Variants in PLG observed in about 807,000 individuals in gnomAD.
PLG encodes plasminogen.
PLG carries 41 observed loss-of-function variants against 104.4 expected under a neutral mutation model. That is an observed-to-expected ratio of 0.39 (90% confidence interval 0.31 to 0.51). The LOEUF is 0.51. PLG is among the 20% of genes least tolerant of loss of function. The pLI is 0.76. For synonymous variants in PLG, 337 were observed against 357.1 expected (o/e 0.94, Z 0.63); for missense variants, 891 against 1,003.6 (o/e 0.89, Z 1.52).
chr6:160,748,693 CA>C (rs1181673997), intron 17 of PLG, among the ~76,000 whole-genome samples: 9 of 152,042 alleles, frequency 5.9e-5, no homozygotes, highest in African/African-American at 2.2e-4. Context: ...TTGGATTAAG[CA>C]AAAAAGAGAA....
At chr6:160,709,893 T>C (rs916575360) in intron 3 of PLG, among the ~76,000 whole-genome samples, 1 of 152,246 alleles carries the variant, frequency 6.6e-6, no homozygotes, top group Non-Finnish European at 1.5e-5. Flanking sequence ...CCTTAAATGA[T>C]GGTGTAAATA....
intron 3 of PLG, among the ~76,000 whole-genome samples, chr6:160,709,614 C>A (rs1248679000): frequency 6.6e-6 from 1 of 152,192 alleles, no homozygotes; most frequent in Non-Finnish European, 1.5e-5. Flanking sequence ...TCCTGCTGTG[C>A]CAGCTCCTTC....
chr6:160,735,620 A>T lies in PLG; in HGVS notation c.1682-1267A>T, dbSNP rs1778074428. Among the ~76,000 whole-genome samples, 1 of 152,244 alleles carries T rather than the reference A, an allele frequency of 6.6e-6. No individual in the cohort carries two copies. The highest frequency in any genetic ancestry group is 6.5e-5 in the Admixed American group (1 of 15,282). ...TGTTTCATGCAGAAGGATATGGTTT[A>T]TTCAGGTTTGACTCGTGCTTGAGAA... is the stretch of plus-strand genomic sequence containing the variant. On this transcript the variant is annotated intron_variant, in intron 13 of 18. Coordinates refer to ENST00000308192, the MANE Select transcript of PLG (RefSeq NM_000301.5). The surrounding 1 kb of genome is among the most constrained non-coding windows in gnomAD (Gnocchi z 5.4).
chr6:160,717,704 T>G (rs1777762510), intron 7 of PLG, among the ~76,000 whole-genome samples: 1 of 152,150 alleles, frequency 6.6e-6, no homozygotes, highest in African/African-American at 2.4e-5. Context: ...GTGACACGTG[T>G]TGATACTTAC....
chr6:160,706,567 C>T (rs376903431), intron 2 of PLG, 25 bp downstream of exon 2: 276 of 1,606,482 alleles, frequency 1.7e-4, no homozygotes, highest in South Asian at 3.5e-4. Flanking sequence ...GTTGCACCTA[C>T]GCAGGAATCT....
Position 160,732,644 on chromosome 6 carries a change from C to G in PLG, c.1587+751C>G, listed in dbSNP as rs1422299836. On this transcript the variant is annotated intron_variant, in intron 12 of 18. Transcript: ENST00000308192. This position sits in a 1 kb window ranked among gnomAD's most constrained non-coding sequence, Gnocchi z 4.5. The stretch of plus-strand genomic sequence containing the variant: ...CCCAACTGGACAAAAATCTGTTTTT[C>G]TACTTGATTACTTTGCTAGAGTGGC... 6.6e-6 allele frequency among the ~76,000 whole-genome samples: 1 copy of G among 152,172 alleles called. No homozygotes were observed. The highest frequency in any genetic ancestry group is 1.5e-5 in the Non-Finnish European group (1 of 68,026).
At chr6:160,722,608 C>T in intron 10 of PLG, 41 bp downstream of exon 10, 1 of 1,579,510 alleles carries the variant, frequency 6.3e-7, no homozygotes, top group South Asian at 1.1e-5. Flanking sequence ...CATCAGCCAA[C>T]TGAAATTTCT....
intron 17 of PLG, among the ~76,000 whole-genome samples, chr6:160,742,041 T>G (rs1040805347): frequency 2.6e-5 from 4 of 152,222 alleles, no homozygotes; most frequent in African/African-American, 9.7e-5. Context: ...ATGTACCACA[T>G]ATTCTTCATC....
At position 160,731,211 on chromosome 6, in the gene PLG, G is replaced by A. The variant is rs768855743; in HGVS notation, c.1417G>A (p.Val473Ile). The stretch of plus-strand genomic sequence containing the variant: ...TCCGCCTGTTGTCCTGCTTCCAGAT[G>A]TAGAGACTCCTTCCGAAGAAGGTAA... Reference protein sequence around the residue: ...APPPVVLLPDVETPSEEDCMF... With the variant: ...APPPVVLLPDIETPSEEDCMF... The change falls in exon 11 of 19, where the codon GTA becomes ATA. Residue 473 changes from valine to isoleucine, a missense_variant. Val to Ile is a conservative substitution (Grantham distance 29). This residue lies in a region of PLG where 854 missense variants were observed against 932.1 expected (regional missense o/e 0.92). Coordinates refer to ENST00000308192, the MANE Select transcript of PLG (RefSeq NM_000301.5). The surrounding 1 kb of genome is among the most constrained non-coding windows in gnomAD (Gnocchi z 5.1). The A allele has an allele frequency of 6.2e-7, 1 of 1,613,976 alleles. No individual in the cohort carries two copies. Among genetic ancestry groups the A allele is most frequent in the Admixed American group, 1.7e-5 (1 of 60,018 alleles).
chr6:160,718,505 T>C (rs1240733643), intron 8 of PLG, 49 bp downstream of exon 8: 1 of 1,522,860 alleles, frequency 6.6e-7, no homozygotes, highest in African/African-American at 1.4e-5. Context: ...TGAAATCCCA[T>C]TGACTTTGCC....
At position 160,731,185 on chromosome 6, in the gene PLG, C is replaced by T; in HGVS notation, c.1391C>T (p.Pro464Leu). 2 of 1,614,106 alleles carry T rather than the reference C, an allele frequency of 1.2e-6. No individual in the cohort carries two copies. Among genetic ancestry groups the T allele is most frequent in the South Asian group, 1.1e-5 (1 of 91,082 alleles). Residue 464 changes from proline to leucine, a missense_variant, in exon 11 of 19, where the codon CCT becomes CTT. By Grantham distance (98) the Pro-to-Leu change is moderately conservative. Transcript: ENST00000308192. This position sits in a 1 kb window ranked among gnomAD's most constrained non-coding sequence, Gnocchi z 5.1. ...CSGTEASVVA[P>L]PPVVLLPDVE... The stretch of plus-strand genomic sequence containing the variant: ...GGAACAGAAGCGAGTGTTGTAGCAC[C>T]TCCGCCTGTTGTCCTGCTTCCAGAT...
chr6:160,739,277 G>A lies in PLG; in HGVS notation c.2018+69G>A. ...TTTGCTTTATGTCTGGGTTTTATGG[G>A]CCATGGCCACTGCATGGCAGTGGGG... On this transcript the variant is annotated intron_variant, in intron 16 of 18. Coordinates refer to ENST00000308192, the MANE Select transcript of PLG (RefSeq NM_000301.5). The surrounding 1 kb of genome is among the most constrained non-coding windows in gnomAD (Gnocchi z 4.4). The A allele has an allele frequency of 2.5e-6, 4 of 1,603,062 alleles. No homozygotes were observed. The highest frequency in any genetic ancestry group is 2.2e-5 in the East Asian group (1 of 44,776).
chr6:160,750,747 G>C (rs531325867), intron 17 of PLG, among the ~76,000 whole-genome samples: 1 of 152,284 alleles, frequency 6.6e-6, no homozygotes, highest in East Asian at 1.9e-4. Context: ...GAAAGAGAGA[G>C]TGCCTCGGTT....
chr6:160,707,821 TTCC>T lies in PLG; in HGVS notation c.292+26_292+28del. On this transcript the variant is annotated intron_variant, in intron 3 of 18. Transcript: ENST00000308192. ...TGAAAAGAAAGGTGAGTACATTTTC[TTCC>T]TCCTCCTCCTACTGTCCTCCCCATC... The T allele has an allele frequency of 3.2e-6, 5 of 1,567,324 alleles. No individual in the cohort carries two copies. The highest frequency in any genetic ancestry group is 4.4e-6 in the Non-Finnish European group (5 of 1,139,306).
In PLG at chr6:160,723,060, CAT is replaced by C. The variant is rs1387505105; in HGVS notation, c.1256+498_1256+499del. ...ATATGTGTGCATATATAAATACACA[CAT>C]ATATGAGATATACAAGTATACATAT... On this transcript the variant is annotated intron_variant, in intron 10 of 18. Coordinates refer to ENST00000308192, the MANE Select transcript of PLG (RefSeq NM_000301.5). The surrounding 1 kb of genome is among the most constrained non-coding windows in gnomAD (Gnocchi z 4.7). Among the ~76,000 whole-genome samples the C allele has an allele frequency of 4.2e-5, 6 of 142,964 alleles. No individual in the cohort carries two copies. The highest frequency in any genetic ancestry group is 6.8e-5 in the Admixed American group (1 of 14,746). The allele number at this position is 142,964 out of a possible 152,430, so 93.8% of individuals were successfully genotyped here.
rs530031574 is a variant in PLG at position 160,748,023 on chromosome 6, C to A, written c.2126-4092C>A. Among the ~76,000 whole-genome samples the A allele has an allele frequency of 1.3e-3, 194 of 149,230 alleles. 1 individual carries two copies. Among genetic ancestry groups the A allele is most frequent in the African/African-American group, 4.4e-3 (182 of 41,346 alleles). On this transcript the variant is annotated intron_variant, in intron 17 of 18. Transcript: ENST00000308192. ...AGGACTTAGAAAAGTCATAAACTCT[C>A]TGGCTGGGTGCAGTGGCTCACGCCT...
chr6:160,712,465 A>G lies in PLG; in HGVS notation c.408-521A>G, dbSNP rs1200328810. Among the ~76,000 whole-genome samples, 5 of 152,242 alleles carry G rather than the reference A, an allele frequency of 3.3e-5. No homozygotes were observed. In the East Asian group the frequency reaches 7.7e-4, roughly 24 times the overall value. On this transcript the variant is annotated intron_variant, in intron 4 of 18. Transcript: ENST00000308192. ...TGCTTCTTCATAGCTATTTACACTT[A>G]GGCAAGTTTTGTTTTGTTTTGTTTT...
At chr6:160,704,955 A>G (rs565373971) in intron 1 of PLG, among the ~76,000 whole-genome samples, 2 of 152,156 alleles carry the variant, frequency 1.3e-5, no homozygotes, top group Admixed American at 6.5e-5. Context: ...GCAGTGTGTC[A>G]TCTTTCAGAA....
At chr6:160,713,266 A>C in intron 5 of PLG, 141 bp downstream of exon 5, 1 of 751,534 alleles carries the variant, frequency 1.3e-6, no homozygotes, top group South Asian at 1.5e-5. Context: ...CCCCAGAATT[A>C]ACCTGAATTT....
Sources: gnomAD v4.1 joint callset for allele counts (sites outside exome capture counted in the v4.1 genomes callset) on GRCh38, gnomAD v4.1.1 for gene constraint, gnomAD v4.1.1 regional missense constraint, Gnocchi (gnomAD v3.1) non-coding constraint, MANE v1.5 for transcripts, NCBI Gene and HGNC (gene_info 2026-07-23, HGNC 2026-07-21) for gene names.